Variants in C2CD3 observed in about 807,000 individuals in gnomAD.
C2CD3 encodes C2 domain-containing protein 3.
Under a neutral mutation model 234.0 loss-of-function variants are expected in C2CD3, and 148 were observed. The ratio of observed to expected loss-of-function variants is 0.63; its 90% CI spans 0.55 to 0.72. C2CD3 has a LOEUF of 0.72. C2CD3 is among the 30% of genes least tolerant of loss of function. The pLI, the probability that C2CD3 is intolerant of heterozygous loss-of-function variation, is 0.00. For missense variants in C2CD3, 2,577 were observed against 2,811.5 expected, an observed-to-expected ratio of 0.92 and a Z score of 1.89; for synonymous variants, 1,000 against 1,035.4, an observed-to-expected ratio of 0.97 and a Z score of 0.66.
At position 74,103,475 on chromosome 11, in the gene C2CD3, G is replaced by A. The variant is rs148286994; in HGVS notation, c.2236C>T (p.Pro746Ser). ...LNQDMTCTKN[P>S]QNLNQIHEET... ...TCATGAATTTGGTTTAAGTTTTGTG[G>A]ATTTTTGGTACAGGTCATATCTTGG... Residue 746 changes from proline (P) to serine (S), a missense_variant, in exon 14 of 33, where the codon CCA (proline) becomes TCA (serine). Coordinates refer to ENST00000334126, the MANE Select transcript of C2CD3 (RefSeq NM_001286577.2). 13 of 1,614,048 alleles carry A rather than the reference G, an allele frequency of 8.1e-6. No individual in the cohort carries two copies. In the African/African-American group the frequency reaches 1.5e-4, roughly 18 times the overall value.
intron 30 of C2CD3, 79 bp from the exon 31 acceptor site, chr11:74,034,357 C>CT: frequency 1.4e-6 from 2 of 1,478,446 alleles, no homozygotes; most frequent in Non-Finnish European, 1.8e-6. Context: ...CCTTTAGCTT[C>CT]AGAAGCACTA....
Position 74,170,864 on chromosome 11 carries a change from T to G in C2CD3, c.-72A>C, listed in dbSNP as rs1173069554. On this transcript the variant is annotated 5_prime_UTR_variant, in exon 1 of 33. Transcript: ENST00000334126. ...CTAAGCAGTATCCTCCCGCCATCCCTCCCCACGGCGCCTGCGTTCCCCGGC... is the reference window on the plus strand; with the variant it reads ...CTAAGCAGTATCCTCCCGCCATCCCGCCCCACGGCGCCTGCGTTCCCCGGC... 6.6e-6 allele frequency: 10 copies of G among 1,521,600 alleles called. No homozygotes were observed. The highest frequency in any genetic ancestry group is 1.4e-5 in the African/African-American group (1 of 71,512). 94.3% of individuals were successfully genotyped at this position (1,521,600 alleles called of 1,614,324 possible).
chr11:74,102,135 C>T (rs999464934), intron 14 of C2CD3, among the ~76,000 whole-genome samples: 8 of 152,096 alleles, frequency 5.3e-5, no homozygotes, highest in African/African-American at 1.9e-4. Context: ...ATCTATTAGA[C>T]TTGGTAAGTA....
chr11:74,059,774 C>T (rs757442551), intron 24 of C2CD3, among the ~76,000 whole-genome samples: 5 of 152,164 alleles, frequency 3.3e-5, no homozygotes, highest in African/African-American at 9.7e-5. Flanking sequence ...TTCATCTCAC[C>T]GGGGCTTATC....
intron 27 of C2CD3, among the ~76,000 whole-genome samples, chr11:74,048,644 T>A (rs949872404): frequency 3.9e-5 from 6 of 152,368 alleles, no homozygotes; most frequent in African/African-American, 1.4e-4. Flanking sequence ...CATTTTACAT[T>A]TACCTTACAT....
chr11:74,017,552 A>G (rs1726757), intron 32 of C2CD3, among the ~76,000 whole-genome samples: 11,908 of 152,204 alleles, frequency 0.078, 1,456 homozygotes, highest in African/African-American at 0.26. Context: ...GGGCTTCCTG[A>G]GGCTCTTCAA....
intron 15 of C2CD3, among the ~76,000 whole-genome samples, chr11:74,098,795 T>C (rs1956207357): frequency 6.6e-6 from 1 of 152,168 alleles, no homozygotes; most frequent in Non-Finnish European, 1.5e-5. Flanking sequence ...ACACAACTAG[T>C]AGGAGGTTAA....
chr11:74,153,104 T>C (rs1235439057), intron 3 of C2CD3, among the ~76,000 whole-genome samples: 2 of 152,004 alleles, frequency 1.3e-5, no homozygotes, highest in Non-Finnish European at 2.9e-5. Flanking sequence ...TGTAGTCTTA[T>C]TTACTCAGAA....
intron 22 of C2CD3, among the ~76,000 whole-genome samples, chr11:74,081,619 AT>A (rs1235946997): frequency 2.0e-5 from 3 of 152,164 alleles, no homozygotes; most frequent in African/African-American, 4.8e-5. Context: ...CATCATCATC[AT>A]CATCACCATC....
intron 7 of C2CD3, chr11:74,128,571 C>A (rs1464857722): frequency 6.6e-6 from 1 of 151,746 alleles, no homozygotes; most frequent in Non-Finnish European, 1.5e-5. Context: ...TTTTATTGAT[C>A]ATTCTTGGGT....
intron 24 of C2CD3, among the ~76,000 whole-genome samples, chr11:74,060,187 G>A (rs536935014): frequency 1.4e-4 from 21 of 152,114 alleles, no homozygotes; most frequent in African/African-American, 4.8e-4. Context: ...CTCCACCTCT[G>A]GGGGCAGGGC....
At chr11:74,110,753 G>A (rs573384846) in intron 11 of C2CD3, among the ~76,000 whole-genome samples, 2 of 152,314 alleles carry the variant, frequency 1.3e-5, no homozygotes, top group South Asian at 2.1e-4. Flanking sequence ...AGTTAAGGCA[G>A]TAAGTGAAGA....
chr11:74,126,834 A>G (rs958948889), intron 7 of C2CD3, among the ~76,000 whole-genome samples: 21 of 152,176 alleles, frequency 1.4e-4, no homozygotes, highest in African/African-American at 5.1e-4. Context: ...ATCACCACTC[A>G]ATTTTAAAAC....
chr11:74,074,031 G>C (rs1954917642), intron 24 of C2CD3, among the ~76,000 whole-genome samples: 1 of 152,240 alleles, frequency 6.6e-6, no homozygotes, highest in South Asian at 2.1e-4. Context: ...AAGGAAAAGA[G>C]AAGTATCTAT....
chr11:74,117,859 T>C (rs988354266), intron 9 of C2CD3, among the ~76,000 whole-genome samples: 2 of 150,276 alleles, frequency 1.3e-5, no homozygotes, highest in African/African-American at 4.9e-5. Context: ...GTTGCGGTGA[T>C]CTGAGATCGT....
chr11:74,109,263 C>G, intron 11 of C2CD3, 111 bp from the exon 12 acceptor site: 1 of 628,022 alleles, frequency 1.6e-6, no homozygotes, highest in Non-Finnish European at 2.8e-6. Flanking sequence ...AAATCTCCTG[C>G]AGAAATCGAG....
chr11:74,132,844 C>CTGCTATT lies in C2CD3; in HGVS notation c.1216_1217insAATAGCA (p.Ser406LysfsTer2). ...AAGAAAGCCAGTTAATAGTGCTTAC[C>CTGCTATT]TGCCTAATAGCAGCTGTATAGCTCT... On this transcript the variant is annotated stop_gained and frameshift_variant and splice_region_variant, in exon 7 of 33. Transcript: ENST00000334126. LOFTEE classifies it high-confidence loss of function. 1 of 1,613,068 alleles carries CTGCTATT rather than the reference C, an allele frequency of 6.2e-7. No individual in the cohort carries two copies. Among genetic ancestry groups the CTGCTATT allele is most frequent in the African/African-American group, 1.3e-5 (1 of 74,982 alleles).
At chr11:74,014,807 A>G (rs939511613) in intron 32 of C2CD3, among the ~76,000 whole-genome samples, 1 of 152,140 alleles carries the variant, frequency 6.6e-6, no homozygotes, top group African/African-American at 2.4e-5. Context: ...CATGAAATAG[A>G]AGTGTGGATG....
intron 28 of C2CD3, among the ~76,000 whole-genome samples, chr11:74,047,076 C>T (rs1953413629): frequency 6.6e-6 from 1 of 152,334 alleles, no homozygotes; most frequent in African/African-American, 2.4e-5. Flanking sequence ...CCTCAGGTCA[C>T]ATGTAACTAG....
Sources: allele counts gnomAD v4.1 joint callset (sites outside exome capture counted in the v4.1 genomes callset), GRCh38; gene constraint gnomAD v4.1.1; transcripts MANE v1.5; gene names NCBI Gene and HGNC (gene_info 2026-07-23, HGNC 2026-07-21).